Variants in CAMK1D observed in about 807,000 individuals in gnomAD.
The protein encoded by CAMK1D is calcium/calmodulin-dependent protein kinase type 1D.
In CAMK1D, 9 loss-of-function variants were observed where a neutral mutation model predicts 47.7. That is an observed-to-expected ratio of 0.19 (90% CI 0.11 to 0.33). The LOEUF (loss-of-function observed/expected upper bound fraction) is 0.33, where lower values mean the gene tolerates loss of function less well. Ranked by LOEUF, CAMK1D falls within the 10% of genes least tolerant of loss-of-function variation. The probability of loss-of-function intolerance (pLI) is 1.00; values close to 1 mark genes in which losing one functional copy is unlikely to be tolerated. For missense variants in CAMK1D, 291 were observed against 488.7 expected (o/e 0.60, Z 3.81); for synonymous variants, 184 against 184.9 (o/e 0.99, Z 0.04).
intron 3 of CAMK1D, among the ~76,000 whole-genome samples, chr10:12,726,728 C>T (rs940587261): frequency 6.6e-6 from 1 of 152,214 alleles, no homozygotes; most frequent in Non-Finnish European, 1.5e-5. Context: ...GGTGACTTGC[C>T]TCAGTGACGG....
chr10:12,605,002 A>G (rs762643837), intron 2 of CAMK1D, among the ~76,000 whole-genome samples: 2 of 151,466 alleles, frequency 1.3e-5, no homozygotes, highest in African/African-American at 2.4e-5. Flanking sequence ...ATTCTCCTGC[A>G]TCAGCCTCCT....
intron 2 of CAMK1D, among the ~76,000 whole-genome samples, chr10:12,608,235 A>G (rs1373969095): frequency 6.6e-6 from 1 of 152,198 alleles, no homozygotes. Flanking sequence ...CCTGGCCAAC[A>G]TGGCGGAACC....
intron 3 of CAMK1D, among the ~76,000 whole-genome samples, chr10:12,676,258 T>C (rs899030235): frequency 6.6e-6 from 1 of 152,140 alleles, no homozygotes; most frequent in African/African-American, 2.4e-5. Context: ...CCAGCCAGAA[T>C]CACTTATCTT....
intron 1 of CAMK1D, among the ~76,000 whole-genome samples, chr10:12,369,738 C>T (rs563680342): frequency 2.0e-5 from 3 of 152,120 alleles, no homozygotes; most frequent in African/African-American, 4.8e-5. Flanking sequence ...GTGGGTGCGT[C>T]GCTTGGGGTC....
chr10:12,521,841 C>T (rs1009637351), intron 1 of CAMK1D, among the ~76,000 whole-genome samples: 1 of 152,066 alleles, frequency 6.6e-6, no homozygotes, highest in Non-Finnish European at 1.5e-5. Flanking sequence ...TGACAATCCT[C>T]TTTTTCATGG....
intron 1 of CAMK1D, 59 bp from the exon 2 acceptor site, chr10:12,553,166 A>G (rs1038690545): frequency 2.5e-6 from 4 of 1,610,610 alleles, no homozygotes; most frequent in Non-Finnish European, 3.4e-6. Flanking sequence ...GGGTGAATGG[A>G]GCCATTGTGA....
intron 3 of CAMK1D, among the ~76,000 whole-genome samples, chr10:12,667,504 G>A (rs758076156): frequency 2.6e-5 from 4 of 152,172 alleles, no homozygotes; most frequent in Non-Finnish European, 5.9e-5. Flanking sequence ...CTGCATAAAT[G>A]CTTTACTCTA....
At chr10:12,658,713 G>A (rs183874604) in intron 2 of CAMK1D, among the ~76,000 whole-genome samples, 10 of 152,224 alleles carry the variant, frequency 6.6e-5, no homozygotes, top group African/African-American at 1.7e-4. Flanking sequence ...GCAGAAGGAC[G>A]TGGAGTTTGG....
At chr10:12,774,744 A>C (rs1218046768) in intron 5 of CAMK1D, among the ~76,000 whole-genome samples, 1 of 152,230 alleles carries the variant, frequency 6.6e-6, no homozygotes, top group Non-Finnish European at 1.5e-5. Flanking sequence ...TCAGATCAGC[A>C]GCAGTAGATT....
At chr10:12,517,301 TAAAC>T (rs1035306827) in intron 1 of CAMK1D, among the ~76,000 whole-genome samples, 1 of 152,224 alleles carries the variant, frequency 6.6e-6, no homozygotes, top group South Asian at 2.1e-4. Context: ...TTTAAAAACA[TAAAC>T]AATCATGTTA....
intron 1 of CAMK1D, among the ~76,000 whole-genome samples, chr10:12,530,654 G>A (rs1452332923): frequency 1.3e-5 from 2 of 152,164 alleles, no homozygotes; most frequent in Non-Finnish European, 2.9e-5. Flanking sequence ...TCGGGGTCTG[G>A]GGAGGCAGCG....
intron 3 of CAMK1D, 106 bp downstream of exon 3, chr10:12,666,916 T>A: frequency 1.1e-6 from 1 of 905,826 alleles, no homozygotes; most frequent in Non-Finnish European, 1.8e-6. Flanking sequence ...GGTAAGGCAG[T>A]AGGGAGCAGG....
At chr10:12,433,990 G>A (rs1832559888) in intron 1 of CAMK1D, among the ~76,000 whole-genome samples, 1 of 152,112 alleles carries the variant, frequency 6.6e-6, no homozygotes, top group Non-Finnish European at 1.5e-5. Flanking sequence ...ATTATTGTGG[G>A]GAAAGGGTCT....
intron 1 of CAMK1D, among the ~76,000 whole-genome samples, chr10:12,402,836 G>T (rs1258811151): frequency 1.3e-5 from 2 of 151,928 alleles, no homozygotes; most frequent in Admixed American, 1.3e-4. Context: ...TTGGTGATTG[G>T]TGCCTTCTAC....
chr10:12,395,938 A>C (rs2131901394), intron 1 of CAMK1D, among the ~76,000 whole-genome samples: 1 of 151,594 alleles, frequency 6.6e-6, no homozygotes, highest in African/African-American at 2.4e-5. Context: ...AGAAACAAAA[A>C]ACAAAAGGGT....
chr10:12,419,460 C>T (rs1240247409), intron 1 of CAMK1D, among the ~76,000 whole-genome samples: 2 of 152,124 alleles, frequency 1.3e-5, no homozygotes, highest in Non-Finnish European at 2.9e-5. Context: ...TAACCAGAGC[C>T]AAGTCCTGTT....
intron 2 of CAMK1D, among the ~76,000 whole-genome samples, chr10:12,567,495 A>C (rs1175843689): frequency 6.6e-6 from 1 of 152,222 alleles, no homozygotes; most frequent in Non-Finnish European, 1.5e-5. Flanking sequence ...AGGCTGTCCA[A>C]GAAGCCATGG....
At chr10:12,396,774 T>G (rs768827103) in intron 1 of CAMK1D, among the ~76,000 whole-genome samples, 1 of 152,190 alleles carries the variant, frequency 6.6e-6, no homozygotes, top group African/African-American at 2.4e-5. Flanking sequence ...TCCAGCCACG[T>G]AGGCTCCCCG....
intron 1 of CAMK1D, among the ~76,000 whole-genome samples, chr10:12,473,117 AGGTGGAAGCAAT>A (rs1289557495): frequency 6.6e-6 from 1 of 152,168 alleles, no homozygotes; most frequent in Admixed American, 6.6e-5. Flanking sequence ...AGGGTGCGCC[AGGTGGAAGCAAT>A]GGTGGATGCA....
Sources: gnomAD v4.1 joint callset for allele counts (sites outside exome capture counted in the v4.1 genomes callset) on GRCh38, gnomAD v4.1.1 for gene constraint, MANE v1.5 for transcripts, NCBI Gene and HGNC (gene_info 2026-07-23, HGNC 2026-07-21) for gene names.